The following DPP10 variants were observed in gnomAD, a reference collection of about 807,000 sequenced individuals.
DPP10 encodes the protein dipeptidyl peptidase like 10.
In DPP10, 33 loss-of-function variants were observed where a neutral mutation model predicts 120.9. That is an observed-to-expected ratio of 0.27 (90% CI 0.21 to 0.37). The LOEUF (loss-of-function observed/expected upper bound fraction) is 0.37. Among genes scored for constraint, DPP10 ranks in the 10% least tolerant of loss-of-function variants. The probability of loss-of-function intolerance (pLI) is 1.00; values close to 1 mark genes in which losing one functional copy is unlikely to be tolerated. For missense variants in DPP10, 816 were observed against 942.8 expected (o/e 0.87, Z 1.76); for synonymous variants, 337 against 326.1 (o/e 1.03, Z -0.36).
At chr2:114,930,976 A>G (rs1696027324) in intron 1 of DPP10, among the ~76,000 whole-genome samples, 1 of 152,214 alleles carries the variant, frequency 6.6e-6, no homozygotes, top group African/African-American at 2.4e-5. Flanking sequence ...TCCACCTCCA[A>G]CAATGGGGAC....
At chr2:114,601,842 A>G (rs777220525) in intron 1 of DPP10, among the ~76,000 whole-genome samples, 16 of 152,104 alleles carry the variant, frequency 1.1e-4, no homozygotes, top group East Asian at 1.9e-4. Context: ...TGGGAGTGCC[A>G]CTAATGCAGA....
At chr2:115,707,334 C>T (rs1002317145) in intron 7 of DPP10, among the ~76,000 whole-genome samples, 1 of 150,118 alleles carries the variant, frequency 6.7e-6, no homozygotes, top group Non-Finnish European at 1.5e-5. Context: ...GGCCATAAAA[C>T]AAGTATCAAT....
intron 1 of DPP10, among the ~76,000 whole-genome samples, chr2:114,556,908 C>G (rs750922247): frequency 1.2e-4 from 18 of 151,610 alleles, no homozygotes; most frequent in Non-Finnish European, 2.4e-4. Context: ...TACCGATTAC[C>G]TTTAAAGAGT....
rs1264946349 is a variant in DPP10 at position 114,663,666 on chromosome 2, T to TAGAGAGAG, written c.60+220829_60+220830insGAGAGAGA. ...ATATATATATATATATATATATATA[T>TAGAGAGAG]ATAGAGAGAGAGAGAGAGAGAGAGA... is the stretch of plus-strand genomic sequence containing the variant. On this transcript the variant is annotated intron_variant, in intron 1 of 25. Transcript: ENST00000410059. 1.2e-3 allele frequency among the ~76,000 whole-genome samples: 115 copies of TAGAGAGAG among 92,588 alleles called. 1 individual carries two copies. The highest frequency in any genetic ancestry group is 1.8e-3 in the African/African-American group (27 of 14,946). The allele number at this position is 92,588 out of a possible 152,430, so 60.7% of individuals were successfully genotyped here.
intron 1 of DPP10, among the ~76,000 whole-genome samples, chr2:114,941,880 G>A (rs746159891): frequency 5.3e-5 from 8 of 152,084 alleles, no homozygotes; most frequent in Non-Finnish European, 1.0e-4. Context: ...TCAGAACTAT[G>A]TATTCAGAAA....
intron 5 of DPP10, among the ~76,000 whole-genome samples, chr2:115,638,571 A>G (rs2149341712): frequency 6.6e-6 from 1 of 152,362 alleles, no homozygotes; most frequent in Middle Eastern, 3.4e-3. Context: ...ATTTCTAGGA[A>G]TAAAATAGAA....
chr2:115,754,481 G>A (rs1286965227), intron 11 of DPP10, among the ~76,000 whole-genome samples: 1 of 152,106 alleles, frequency 6.6e-6, no homozygotes, highest in Non-Finnish European at 1.5e-5. Context: ...TGAAAACCCT[G>A]GGTATTCAAC....
At chr2:115,385,785 T>G (rs187527087) in intron 3 of DPP10, among the ~76,000 whole-genome samples, 6 of 152,324 alleles carry the variant, frequency 3.9e-5, no homozygotes, top group Admixed American at 2.0e-4. Context: ...TTTGAAAAAT[T>G]TGGTAAGCTT....
chr2:114,835,249 A>C (rs770826135), intron 1 of DPP10: 11 of 151,546 alleles, frequency 7.3e-5, no homozygotes, highest in Non-Finnish European at 1.5e-4. Context: ...TATATAGGAC[A>C]TATCTACACA....
intron 5 of DPP10, among the ~76,000 whole-genome samples, chr2:115,687,512 T>C (rs1452585132): frequency 6.6e-6 from 1 of 151,302 alleles, no homozygotes; most frequent in Non-Finnish European, 1.5e-5. Flanking sequence ...GATAGATAGA[T>C]AGATAGATAG....
In DPP10 at chr2:114,455,096, T is replaced by C. The variant is rs190595026; in HGVS notation, c.60+12258T>C. Among the ~76,000 whole-genome samples the C allele has an allele frequency of 5.3e-5, 8 of 152,256 alleles. No homozygotes were observed. The East Asian group carries it at 1.5e-3, about 29-fold the overall frequency. ...ACATGGCTTTTATTCCAGAAGACGA[T>C]ATCACTATGAGAAAGGAAGCTAAAT... On this transcript the variant is annotated intron_variant, in intron 1 of 25. Coordinates refer to ENST00000410059, the MANE Select transcript of DPP10 (RefSeq NM_020868.6).
At position 114,785,616 on chromosome 2, in the gene DPP10, T is replaced by C. The variant is rs555566508; in HGVS notation, c.60+342778T>C. 2.0e-5 allele frequency among the ~76,000 whole-genome samples: 3 copies of C among 152,166 alleles called. No homozygotes were observed. In the East Asian group the frequency reaches 5.8e-4, roughly 29 times the overall value. Reference sequence around the variant, plus strand: ...AATGAGAAGCATTTGTGTCCCCAAATCTCAACTCCTATGCTCAGGAGTTTC... The same window carrying C: ...AATGAGAAGCATTTGTGTCCCCAAACCTCAACTCCTATGCTCAGGAGTTTC... On this transcript the variant is annotated intron_variant, in intron 1 of 25. Coordinates refer to ENST00000410059, the MANE Select transcript of DPP10 (RefSeq NM_020868.6).
intron 7 of DPP10, among the ~76,000 whole-genome samples, chr2:115,693,028 A>C (rs909226975): frequency 2.0e-5 from 3 of 152,206 alleles, no homozygotes; most frequent in Non-Finnish European, 4.4e-5. Flanking sequence ...TAAATGGTTG[A>C]ATAATTGAGT....
At chr2:114,539,193 AATT>A (rs1686758682) in intron 1 of DPP10, among the ~76,000 whole-genome samples, 2 of 148,598 alleles carry the variant, frequency 1.3e-5, no homozygotes, top group Admixed American at 1.3e-4. Context: ...ATTACATATA[AATT>A]ATATTTATAA....
At chr2:114,572,533 G>C (rs1019487540) in intron 1 of DPP10, among the ~76,000 whole-genome samples, 1 of 152,226 alleles carries the variant, frequency 6.6e-6, no homozygotes, top group Non-Finnish European at 1.5e-5. Context: ...TGAGAAACAT[G>C]ATCAGAAGAG....
In DPP10 at chr2:115,844,847, G is replaced by A. The variant is rs1690489777; in HGVS notation, c.*2502G>A. ...AATCTCTTGAAACTCTTTTGAAAGAGAAAAGTGTTTGTTCACTTTCATTGC... is the reference window on the plus strand; with the variant it reads ...AATCTCTTGAAACTCTTTTGAAAGAAAAAAGTGTTTGTTCACTTTCATTGC... On this transcript the variant is annotated 3_prime_UTR_variant, in exon 26 of 26. Transcript: ENST00000410059. 1 of 152,114 alleles carries A rather than the reference G, an allele frequency of 6.6e-6. No individual in the cohort carries two copies. Among genetic ancestry groups the A allele is most frequent in the Non-Finnish European group, 1.5e-5 (1 of 68,004 alleles). The allele number at this position is 152,114 out of a possible 1,614,324, so 9.4% of individuals were successfully genotyped here.
intron 1 of DPP10, among the ~76,000 whole-genome samples, chr2:115,256,396 G>A (rs529840414): frequency 6.6e-5 from 10 of 152,236 alleles, no homozygotes; most frequent in Admixed American, 1.3e-4. Flanking sequence ...TGAGTGGAGA[G>A]AGCCCCAAAC....
At chr2:115,646,108 G>GCACACA (rs71394157) in intron 5 of DPP10, among the ~76,000 whole-genome samples, 1 of 150,588 alleles carries the variant, frequency 6.6e-6, no homozygotes, top group Non-Finnish European at 1.5e-5. Flanking sequence ...GTGCGTGCGC[G>GCACACA]CACACACACA....
chr2:114,858,928 A>G (rs1455728378), intron 1 of DPP10, among the ~76,000 whole-genome samples: 2 of 152,200 alleles, frequency 1.3e-5, no homozygotes, highest in Non-Finnish European at 2.9e-5. Context: ...CTCTCCCCAC[A>G]TGGAGTCTAT....
Sources: allele counts gnomAD v4.1 joint callset (sites outside exome capture counted in the v4.1 genomes callset), GRCh38; gene constraint gnomAD v4.1.1; transcripts MANE v1.5; gene names NCBI Gene and HGNC (gene_info 2026-07-23, HGNC 2026-07-21).